EHMT1: variants seen among roughly 807,000 people sequenced by gnomAD.
EHMT1 encodes the protein histone-lysine N-methyltransferase EHMT1.
EHMT1 carries 15 observed loss-of-function variants against 147.2 expected under a neutral mutation model. The observed-to-expected ratio is 0.10, with a 90% CI of 0.07 to 0.16. The LOEUF (loss-of-function observed/expected upper bound fraction) is 0.16. EHMT1 is among the 10% of genes least tolerant of loss of function. The pLI, the probability that EHMT1 is intolerant of heterozygous loss-of-function variation, is 1.00. For missense variants in EHMT1, 1,587 were observed against 1,772.4 expected, an observed-to-expected ratio of 0.90 and a Z score of 1.88; for synonymous variants, 795 against 709.6, an observed-to-expected ratio of 1.12 and a Z score of -1.91.
At chr9:137,645,810 A>T (rs922223199) in intron 1 of EHMT1, among the ~76,000 whole-genome samples, 3 of 151,886 alleles carry the variant, frequency 2.0e-5, no homozygotes, top group Non-Finnish European at 4.4e-5. Flanking sequence ...TCGAACTGAG[A>T]TGTGCTATGT....
At chr9:137,693,000 G>A (rs976655881) in intron 1 of EHMT1, among the ~76,000 whole-genome samples, 1 of 152,228 alleles carries the variant, frequency 6.6e-6, no homozygotes, top group South Asian at 2.1e-4. Context: ...ACCTCTGCCT[G>A]CCTCACCTGG....
intron 13 of EHMT1, 90 bp downstream of exon 13, chr9:137,778,145 C>A: frequency 6.6e-7 from 1 of 1,509,236 alleles, no homozygotes; most frequent in Non-Finnish European, 9.1e-7. Flanking sequence ...TTTAGCACTT[C>A]TCAGCTTTTT....
intron 18 of EHMT1, among the ~76,000 whole-genome samples, chr9:137,808,924 T>TA (rs1013228681): frequency 1.6e-3 from 238 of 150,870 alleles, no homozygotes; most frequent in Non-Finnish European, 2.9e-3. Context: ...ACTCCGCCTC[T>TA]AAAAAAAAAT....
chr9:137,834,763 C>G lies in EHMT1; in HGVS notation c.3717-10C>G. 6.2e-6 allele frequency: 10 copies of G among 1,613,464 alleles called. No homozygotes were observed. Among genetic ancestry groups the G allele is most frequent in the Non-Finnish European group, 8.5e-6 (10 of 1,179,752 alleles). ...TTCGACTTGGAGCCTTGGTTCTGTT[C>G]CCTCCCCAGGTTTGACTATGGAGAG... On this transcript the variant is annotated splice_polypyrimidine_tract_variant and intron_variant, in intron 26 of 26. Transcript: ENST00000460843.
intron 3 of EHMT1, among the ~76,000 whole-genome samples, chr9:137,723,446 C>T (rs1946282253): frequency 2.8e-5 from 3 of 106,444 alleles, no homozygotes; most frequent in Admixed American, 1.0e-4. Context: ...CCGGGGTGTG[C>T]CCTGTGTCTG....
At chr9:137,744,321 T>TTC (rs1948366824) in intron 6 of EHMT1, among the ~76,000 whole-genome samples, 1 of 151,878 alleles carries the variant, frequency 6.6e-6, no homozygotes, top group South Asian at 2.1e-4. Flanking sequence ...TTTTTCTGTG[T>TTC]TTTCTTTCTT....
chr9:137,641,258 T>C, intron 1 of EHMT1: 1 of 430,300 alleles, frequency 2.3e-6, no homozygotes, highest in Non-Finnish European at 4.7e-6. Flanking sequence ...ACTTGAAGAG[T>C]TTCCTTTCCA....
chr9:137,634,803 C>T (rs781277585), intron 1 of EHMT1, among the ~76,000 whole-genome samples: 16 of 147,520 alleles, frequency 1.1e-4, no homozygotes, highest in Non-Finnish European at 2.4e-4. Flanking sequence ...TCCAGGTTCA[C>T]GCCATTCTCC....
intron 1 of EHMT1, among the ~76,000 whole-genome samples, chr9:137,696,541 G>A (rs942102926): frequency 6.6e-6 from 1 of 152,152 alleles, no homozygotes; most frequent in African/African-American, 2.4e-5. Context: ...GTGAAATGAC[G>A]TTTTTAAATG....
rs199636157 is a variant in EHMT1, at chr9:137,762,656, T to A, written c.1502-19T>A. The stretch of plus-strand genomic sequence containing the variant: ...GAGGTCAGGATTGCATGAGCTGACA[T>A]GTGTCTGTGTGACGTTAGGGTTGGC... On this transcript the variant is annotated intron_variant, in intron 9 of 26. Coordinates refer to ENST00000460843, the MANE Select transcript of EHMT1 (RefSeq NM_024757.5). The A allele has an allele frequency of 6.2e-7, 1 of 1,614,052 alleles. No individual in the cohort carries two copies. Among genetic ancestry groups the A allele is most frequent in the Non-Finnish European group, 8.5e-7 (1 of 1,180,028 alleles).
chr9:137,736,220 A>G (rs1268408429), intron 4 of EHMT1, among the ~76,000 whole-genome samples: 10 of 152,240 alleles, frequency 6.6e-5, no homozygotes, highest in African/African-American at 2.2e-4. Flanking sequence ...AGAGACTAAG[A>G]AGGACAATAT....
In EHMT1 at chr9:137,788,024, C is replaced by T. The variant is rs572039227; in HGVS notation, c.2383-2824C>T. The T allele has an allele frequency of 8.2e-5, 116 of 1,416,624 alleles. 1 individual carries two copies. Among genetic ancestry groups the T allele is most frequent in the Admixed American group, 3.9e-4 (20 of 51,748 alleles). The allele number at this position is 1,416,624 out of a possible 1,614,324, so 87.8% of individuals were successfully genotyped here. A position where few individuals can be genotyped will look rare whatever the true frequency, so the allele number is the denominator to read the frequency against. ...AGTGGAGAGGCCAGGCCCTAGGCTCCGGGAAGAGGGTTGAGGGCCTGATGG... is the reference window on the plus strand; with the variant it reads ...AGTGGAGAGGCCAGGCCCTAGGCTCTGGGAAGAGGGTTGAGGGCCTGATGG... On this transcript the variant is annotated intron_variant, in intron 15 of 26. Transcript: ENST00000460843.
At chr9:137,703,770 A>G (rs899301154) in intron 1 of EHMT1, among the ~76,000 whole-genome samples, 1 of 152,062 alleles carries the variant, frequency 6.6e-6, no homozygotes, top group African/African-American at 2.4e-5. Flanking sequence ...AACCTGTTCA[A>G]ACTTCGGCCC....
chr9:137,619,565 G>C (rs1842825575), intron 1 of EHMT1, among the ~76,000 whole-genome samples: 1 of 152,116 alleles, frequency 6.6e-6, no homozygotes, highest in Non-Finnish European at 1.5e-5. Flanking sequence ...CATCTTTAAC[G>C]AAAAGTTGGC....
chr9:137,728,662 C>G lies in EHMT1; in HGVS notation c.823+133C>G, dbSNP rs1334414952. The G allele has an allele frequency of 4.0e-6, 5 of 1,235,438 alleles. No individual in the cohort carries two copies. In the African/African-American group the frequency reaches 7.4e-5, roughly 18 times the overall value. The allele number at this position is 1,235,438 out of a possible 1,614,324, so 76.5% of individuals were successfully genotyped here. On this transcript the variant is annotated intron_variant, in intron 4 of 26. Coordinates refer to ENST00000460843, the MANE Select transcript of EHMT1 (RefSeq NM_024757.5). ...GAATGACTGTTGACGTCAGCTGGCC[C>G]TCCTGTGCTCGCCTGTATGCCTGAG...
intron 6 of EHMT1, chr9:137,746,749 A>T (rs1213988559): frequency 6.6e-6 from 1 of 152,168 alleles, no homozygotes; most frequent in African/African-American, 2.4e-5. Context: ...CCACTTACTG[A>T]CTGACATTTC....
rs532128709 is a variant in EHMT1 at position 137,676,771 on chromosome 9, C to CGG, written c.22-34195_22-34194dup. On this transcript the variant is annotated intron_variant, in intron 1 of 26. Coordinates refer to ENST00000460843, the MANE Select transcript of EHMT1 (RefSeq NM_024757.5). ...GCACTGGGGGAAGTGGGTGGGGTCA[C>CGG]GGAATTCCGCCTTCCGCAGGGGAGG... Among the ~76,000 whole-genome samples, 18 of 152,270 alleles carry CGG rather than the reference C, an allele frequency of 1.2e-4. No individual in the cohort carries two copies. In the East Asian group the frequency reaches 3.3e-3, roughly 28 times the overall value.
At chr9:137,742,645 C>T (rs1030466479) in intron 4 of EHMT1, among the ~76,000 whole-genome samples, 5 of 152,232 alleles carry the variant, frequency 3.3e-5, no homozygotes, top group Admixed American at 6.5e-5. Flanking sequence ...CCCTTCCTCG[C>T]TGCTGCTCTT....
At chr9:137,642,329 A>G (rs1232953423) in intron 1 of EHMT1, among the ~76,000 whole-genome samples, 2 of 151,724 alleles carry the variant, frequency 1.3e-5, no homozygotes, top group Admixed American at 6.6e-5. Context: ...GAGTTTCACT[A>G]TGTTGCCCAG....
Sources: allele counts gnomAD v4.1 joint callset (sites outside exome capture counted in the v4.1 genomes callset), GRCh38; gene constraint gnomAD v4.1.1; transcripts MANE v1.5; gene names NCBI Gene and HGNC (gene_info 2026-07-23, HGNC 2026-07-21).